PCNT: variants seen among roughly 807,000 people sequenced by gnomAD.
The protein encoded by PCNT is kendrin.
PCNT carries 319 observed loss-of-function variants against 380.4 expected under a neutral mutation model. The ratio of observed to expected loss-of-function variants is 0.84; its 90% CI spans 0.77 to 0.92. The LOEUF (loss-of-function observed/expected upper bound fraction) is 0.92. PCNT is among the 40% of genes least tolerant of loss of function. The pLI is 0.00. For missense variants in PCNT, 4,400 were observed against 4,255.3 expected (o/e 1.03, Z -0.95); for synonymous variants, 1,845 against 1,735.2 (o/e 1.06, Z -1.57).
At chr21:46,374,912 G>A (rs186796176) in intron 15 of PCNT, among the ~76,000 whole-genome samples, 58 of 151,568 alleles carry the variant, frequency 3.8e-4, no homozygotes, top group African/African-American at 1.2e-3. Context: ...GAGTGTTTTG[G>A]GTCATTGTCC....
At chr21:46,330,497 C>CT (rs1247701956) in intron 2 of PCNT, among the ~76,000 whole-genome samples, 3 of 152,146 alleles carry the variant, frequency 2.0e-5, no homozygotes, top group African/African-American at 7.2e-5. Context: ...CTGCTGTACA[C>CT]TAAGTTAGGA....
At chr21:46,371,867 GCACA>G (rs142969038) in intron 15 of PCNT, among the ~76,000 whole-genome samples, 3 of 147,732 alleles carry the variant, frequency 2.0e-5, no homozygotes, top group South Asian at 2.1e-4. Context: ...CAGCATGTGT[GCACA>G]CACACAGCAC....
rs538655884 is a variant in PCNT, at chr21:46,404,562, C to T, written c.5115+2079C>T. 1.8e-3 allele frequency among the ~76,000 whole-genome samples: 246 copies of T among 139,604 alleles called. 1 individual carries two copies. Among genetic ancestry groups the T allele is most frequent in the African/African-American group, 6.0e-3 (235 of 39,300 alleles). 91.6% of individuals were successfully genotyped at this position (139,604 alleles called of 152,430 possible). A position where few individuals can be genotyped will look rare whatever the true frequency, so the allele number is the denominator to read the frequency against. On this transcript the variant is annotated intron_variant, in intron 27 of 46. Coordinates refer to ENST00000359568, the MANE Select transcript of PCNT (RefSeq NM_006031.6). ...ACGCCTGCGTCTCCTGTACGAAGTC[C>T]TCATAGTTTCTGGGTGTGATTGACT...
chr21:46,342,309 G>C (rs959811839), intron 3 of PCNT, among the ~76,000 whole-genome samples: 1 of 152,080 alleles, frequency 6.6e-6, no homozygotes, highest in African/African-American at 2.4e-5. Context: ...GTTTCACCAT[G>C]TCGCCCAGGC....
At chr21:46,443,606 C>A (rs2053670073) in intron 44 of PCNT, among the ~76,000 whole-genome samples, 1 of 152,190 alleles carries the variant, frequency 6.6e-6, no homozygotes, top group Non-Finnish European at 1.5e-5. Context: ...AGACGGGCTA[C>A]CCCTGCAGAT....
At position 46,324,416 on chromosome 21, in the gene PCNT, C is replaced by T. The variant is rs560331823; in HGVS notation, c.54+134C>T. The T allele has an allele frequency of 1.1e-5, 9 of 809,598 alleles. No individual in the cohort carries two copies. The East Asian group carries it at 1.9e-4, about 17-fold the overall frequency. 50.2% of individuals were successfully genotyped at this position (809,598 alleles called of 1,614,324 possible). A position where few individuals can be genotyped will look rare whatever the true frequency, so the allele number is the denominator to read the frequency against. On this transcript the variant is annotated intron_variant, in intron 1 of 46. Transcript: ENST00000359568. ...GCCGCGGAGGTCTCGCTTTTTCCCGCCGGCTCCGCTGGAAGCCGCCTCCTG... is the reference window on the plus strand; with the variant it reads ...GCCGCGGAGGTCTCGCTTTTTCCCGTCGGCTCCGCTGGAAGCCGCCTCCTG...
rs2087277467 is a variant in PCNT at position 46,422,103 on chromosome 21, A to C, written c.7158A>C (p.Glu2386Asp). ...QPLPEAMKEKEVRPKHVKALL... is the reference protein window; with the variant it reads ...QPLPEAMKEKDVRPKHVKALL... ...TGCCGGAAGCCATGAAGGAGAAGGA[A>C]GTGCGTCCGAAGCACGTGAAGGTAT... The change falls in exon 32 of 47, where the codon GAA (glutamate) becomes GAC (aspartate). Residue 2386 changes from glutamate (E) to aspartate (D), a missense_variant. Physicochemically the swap from Glu to Asp is conservative, Grantham distance 45. Coordinates refer to ENST00000359568, the MANE Select transcript of PCNT (RefSeq NM_006031.6). 3 of 1,613,742 alleles carry C rather than the reference A, an allele frequency of 1.9e-6. No homozygotes were observed. Among genetic ancestry groups the C allele is most frequent in the South Asian group, 2.2e-5 (2 of 91,094 alleles).
At chr21:46,419,007 C>T (rs2087140356) in intron 31 of PCNT, among the ~76,000 whole-genome samples, 1 of 152,218 alleles carries the variant, frequency 6.6e-6, no homozygotes, top group Non-Finnish European at 1.5e-5. Flanking sequence ...GTCTCAGCCT[C>T]CCTTGGTTGC....
chr21:46,330,859 G>A (rs1048504279), intron 2 of PCNT, among the ~76,000 whole-genome samples: 6 of 152,216 alleles, frequency 3.9e-5, no homozygotes, highest in African/African-American at 7.2e-5. Context: ...GTCATGCTGC[G>A]TCGGAGATCA....
intron 3 of PCNT, among the ~76,000 whole-genome samples, chr21:46,342,752 A>G (rs895412053): frequency 2.0e-5 from 3 of 151,334 alleles, no homozygotes; most frequent in African/African-American, 7.3e-5. Flanking sequence ...GATGGTCTCA[A>G]TCTCTTGACC....
chr21:46,356,384 A>G (rs2084478480), intron 12 of PCNT, among the ~76,000 whole-genome samples: 1 of 152,210 alleles, frequency 6.6e-6, no homozygotes, highest in African/African-American at 2.4e-5. Context: ...CCTGCCCTGC[A>G]CCACAATTGT....
intron 3 of PCNT, among the ~76,000 whole-genome samples, chr21:46,337,483 T>C (rs2083785394): frequency 6.6e-6 from 1 of 152,234 alleles, no homozygotes; most frequent in East Asian, 1.9e-4. Context: ...ACTAAGGTTG[T>C]GTCTTCACTG....
intron 39 of PCNT, 67 bp downstream of exon 39, chr21:46,436,215 C>G (rs575101813): frequency 2.5e-6 from 4 of 1,582,898 alleles, no homozygotes; most frequent in Non-Finnish European, 3.4e-6. Context: ...AGACCCGGCC[C>G]GAGGGCTGGG....
At chr21:46,357,246 A>C in intron 13 of PCNT, 55 bp downstream of exon 13, 1 of 1,259,324 alleles carries the variant, frequency 7.9e-7, no homozygotes. Flanking sequence ...GCTCTCTTCC[A>C]CCTGGAAGGC....
chr21:46,396,147 C>G (rs2086202870), intron 21 of PCNT, among the ~76,000 whole-genome samples: 1 of 152,206 alleles, frequency 6.6e-6, no homozygotes. Context: ...GCCCCTTTTT[C>G]CAAGACGCTT....
chr21:46,406,203 C>T (rs1310625588), intron 27 of PCNT, among the ~76,000 whole-genome samples: 1 of 152,204 alleles, frequency 6.6e-6, no homozygotes, highest in Non-Finnish European at 1.5e-5. Context: ...GTACTGCCGT[C>T]CTCCGGGGCT....
chr21:46,342,499 A>G (rs2083936673), intron 3 of PCNT, among the ~76,000 whole-genome samples: 1 of 147,866 alleles, frequency 6.8e-6, no homozygotes, highest in Non-Finnish European at 1.5e-5. Context: ...ACCAACCTGG[A>G]TGTGTTTTTT....
intron 14 of PCNT, among the ~76,000 whole-genome samples, chr21:46,365,385 C>T (rs1283915011): frequency 7.6e-5 from 11 of 144,544 alleles, no homozygotes; most frequent in Admixed American, 6.8e-4. Context: ...CCGTGGGGTT[C>T]TGTTCACTGC....
At chr21:46,372,071 C>A (rs1006351020) in intron 15 of PCNT, among the ~76,000 whole-genome samples, 1 of 151,392 alleles carries the variant, frequency 6.6e-6, no homozygotes. Context: ...AAGGCACATG[C>A]ACACAGCACA....
Sources: gnomAD v4.1 joint callset for allele counts (sites outside exome capture counted in the v4.1 genomes callset) on GRCh38, gnomAD v4.1.1 for gene constraint, MANE v1.5 for transcripts, NCBI Gene and HGNC (gene_info 2026-07-23, HGNC 2026-07-21) for gene names.